The following PRKG2 variants were observed in gnomAD, a reference collection of about 807,000 sequenced individuals.
PRKG2 encodes the protein cGMP-dependent protein kinase 2.
In PRKG2, 33 loss-of-function variants were observed where a neutral mutation model predicts 97.2. That is an observed-to-expected ratio of 0.34 (90% confidence interval 0.26 to 0.45). PRKG2 has a LOEUF of 0.45. PRKG2 is among the 20% of genes least tolerant of loss of function. PRKG2 has a pLI of 1.00. For missense variants in PRKG2, 638 were observed against 900.0 expected (o/e 0.71, Z 3.73); for synonymous variants, 330 against 321.8 (o/e 1.03, Z -0.27).
At chr4:81,093,801 TA>T (rs1741844641) in intron 17 of PRKG2, among the ~76,000 whole-genome samples, 1 of 152,192 alleles carries the variant, frequency 6.6e-6, no homozygotes, top group Non-Finnish European at 1.5e-5. Flanking sequence ...TCTAGAAATA[TA>T]ACACCAGGAG....
At position 81,104,414 on chromosome 4, in the gene PRKG2, C is replaced by A. The variant is rs1263357804; in HGVS notation, c.2082G>T (p.Arg694Ser). The A allele has an allele frequency of 1.4e-6, 2 of 1,464,488 alleles. No homozygotes were observed. Among genetic ancestry groups the A allele is most frequent in the Non-Finnish European group, 1.8e-6 (2 of 1,103,570 alleles). The allele number at this position is 1,464,488 out of a possible 1,614,324, so 90.7% of individuals were successfully genotyped here. ...TTATTCCATTCTTCAGATTTCCCAG[C>A]CTTTCTGTTGGATTTTGCCTAAAAC... is the stretch of plus-strand genomic sequence containing the variant. ...RRLCRQNPTE[R>S]LGNLKNGIND... is the part of the protein sequence containing the mutation. The change falls in exon 17 of 19, where the codon AGG (arginine) becomes AGT (serine). Residue 694 changes from arginine to serine, a missense_variant. Coordinates refer to ENST00000264399, the MANE Select transcript of PRKG2 (RefSeq NM_006259.3).
intron 2 of PRKG2, among the ~76,000 whole-genome samples, chr4:81,185,508 A>G (rs1295824545): frequency 1.3e-5 from 2 of 152,254 alleles, no homozygotes; most frequent in Non-Finnish European, 2.9e-5. Flanking sequence ...AACCAGTACC[A>G]GCCACTGCAA....
intron 2 of PRKG2, among the ~76,000 whole-genome samples, chr4:81,188,068 C>G (rs1010348969): frequency 1.2e-4 from 19 of 152,052 alleles, no homozygotes; most frequent in African/African-American, 3.9e-4. Flanking sequence ...AAGAAACTAC[C>G]ATCAGAGTGA....
chr4:81,112,433 T>C (rs549932749), intron 14 of PRKG2, among the ~76,000 whole-genome samples: 1 of 146,318 alleles, frequency 6.8e-6, no homozygotes, highest in South Asian at 2.2e-4. Context: ...TGCACACAAA[T>C]ATGAAAATAT....
intron 2 of PRKG2, among the ~76,000 whole-genome samples, chr4:81,201,486 C>T (rs1246439232): frequency 6.6e-6 from 1 of 152,146 alleles, no homozygotes; most frequent in East Asian, 1.9e-4. Flanking sequence ...TGAGCTCCTC[C>T]ATATAAAGTA....
At chr4:81,101,355 G>A (rs1742744572) in intron 17 of PRKG2, among the ~76,000 whole-genome samples, 1 of 152,134 alleles carries the variant, frequency 6.6e-6, no homozygotes, top group Non-Finnish European at 1.5e-5. Flanking sequence ...AGAAAATGTG[G>A]CACATATATA....
chr4:81,189,079 A>AAAAAAAAAAAAAAAAAAAAAT (rs1752218645), intron 2 of PRKG2, among the ~76,000 whole-genome samples: 1 of 111,988 alleles, frequency 8.9e-6, no homozygotes, highest in Non-Finnish European at 1.6e-5. Context: ...AAAAAAAAAA[A>AAAAAAAAAAAAAAAAAAAAAT]AAAAAAAAAA....
intron 6 of PRKG2, among the ~76,000 whole-genome samples, chr4:81,157,831 CAT>C (rs1317619007): frequency 2.7e-5 from 4 of 150,100 alleles, no homozygotes; most frequent in African/African-American, 1.0e-4. Flanking sequence ...ACAAAAACCA[CAT>C]GATTATCTCA....
In PRKG2 at chr4:81,137,879, T is replaced by C. The variant is rs567451557; in HGVS notation, c.1545-397A>G. 8.5e-5 allele frequency among the ~76,000 whole-genome samples: 13 copies of C among 152,304 alleles called. No homozygotes were observed. In the East Asian group the frequency reaches 2.3e-3, roughly 27 times the overall value. ...TGTCACCTTTAAGATTTGCCTTGCATAGTAGTTATTCATGTCAATGTCTTA... is the reference window on the plus strand; with the variant it reads ...TGTCACCTTTAAGATTTGCCTTGCACAGTAGTTATTCATGTCAATGTCTTA... On this transcript the variant is annotated intron_variant, in intron 12 of 18. Transcript: ENST00000264399.
chr4:81,156,318 CA>C (rs201579218), intron 6 of PRKG2, among the ~76,000 whole-genome samples: 2,013 of 152,122 alleles, frequency 0.013, 20 homozygotes, highest in Non-Finnish European at 0.02. Flanking sequence ...CGACAAAGAT[CA>C]AAAGAGACAA....
intron 17 of PRKG2, among the ~76,000 whole-genome samples, chr4:81,094,209 G>A (rs965078040): frequency 6.6e-6 from 1 of 152,088 alleles, no homozygotes; most frequent in Admixed American, 6.6e-5. Flanking sequence ...CATGACTGGT[G>A]CCTAGTTTTA....
chr4:81,167,938 G>A (rs1024581949), intron 5 of PRKG2, among the ~76,000 whole-genome samples: 2 of 151,830 alleles, frequency 1.3e-5, no homozygotes, highest in Non-Finnish European at 2.9e-5. Flanking sequence ...CCCTAGGTTG[G>A]GCAGTAGCTT....
chr4:81,111,781 C>G (rs1401287240), intron 14 of PRKG2, among the ~76,000 whole-genome samples: 2 of 152,164 alleles, frequency 1.3e-5, no homozygotes, highest in African/African-American at 4.8e-5. Context: ...TCCTTCCCTG[C>G]AAAACACACA....
chr4:81,147,889 ATAAT>A (rs1188741428), intron 9 of PRKG2, among the ~76,000 whole-genome samples: 1 of 152,190 alleles, frequency 6.6e-6, no homozygotes, highest in Non-Finnish European at 1.5e-5. Flanking sequence ...TATAGATAAA[ATAAT>A]TTTATGTTGG....
At chr4:81,127,979 G>A (rs1271806149) in intron 14 of PRKG2, among the ~76,000 whole-genome samples, 1 of 152,104 alleles carries the variant, frequency 6.6e-6, no homozygotes, top group East Asian at 1.9e-4. Context: ...GTCATAAATA[G>A]CTGTTATTAT....
intron 1 of PRKG2, among the ~76,000 whole-genome samples, chr4:81,205,458 G>A (rs755217537): frequency 1.3e-5 from 2 of 152,184 alleles, no homozygotes; most frequent in African/African-American, 4.8e-5. Flanking sequence ...AACAACAGAG[G>A]CATGGAAATG....
chr4:81,206,228 T>C (rs575482005), intron 1 of PRKG2, among the ~76,000 whole-genome samples: 2 of 152,364 alleles, frequency 1.3e-5, no homozygotes, highest in South Asian at 4.1e-4. Flanking sequence ...TTAAACTTCA[T>C]ATTTTTGCAC....
intron 4 of PRKG2, 148 bp from the exon 5 acceptor site, chr4:81,169,916 A>T: frequency 1.9e-6 from 1 of 533,498 alleles, no homozygotes; most frequent in South Asian, 3.4e-5. Flanking sequence ...AAGGAGACAG[A>T]AAAATAAATA....
intron 14 of PRKG2, among the ~76,000 whole-genome samples, chr4:81,113,584 T>A (rs1474954200): frequency 6.6e-6 from 1 of 152,040 alleles, no homozygotes; most frequent in African/African-American, 2.4e-5. Flanking sequence ...AATAGAAAAA[T>A]TTGCATTGTG....
Sources: allele counts gnomAD v4.1 joint callset (sites outside exome capture counted in the v4.1 genomes callset), GRCh38; gene constraint gnomAD v4.1.1; transcripts MANE v1.5; gene names NCBI Gene and HGNC (gene_info 2026-07-23, HGNC 2026-07-21).